Variants in CERS6 observed in about 807,000 individuals in gnomAD.
CERS6 encodes ceramide synthase 6, also known as LAG1 homolog, ceramide synthase 6.
Under a neutral mutation model 56.8 loss-of-function variants are expected in CERS6, and 26 were observed. That is an observed-to-expected ratio of 0.46 (90% CI 0.34 to 0.63). The LOEUF is 0.63. CERS6 is among the 30% of genes least tolerant of loss of function. The pLI is 0.01. For synonymous variants in CERS6, 164 were observed against 173.3 expected (o/e 0.95, Z 0.42); for missense variants, 415 against 467.5 (o/e 0.89, Z 1.04).
At chr2:168,486,257 G>A (rs1193524776) in intron 1 of CERS6, among the ~76,000 whole-genome samples, 1 of 152,006 alleles carries the variant, frequency 6.6e-6, no homozygotes, top group East Asian at 1.9e-4. Flanking sequence ...CTTTTATCAG[G>A]TACTTGTTTT....
chr2:168,732,491 T>C (rs939400480), intron 8 of CERS6, among the ~76,000 whole-genome samples: 2 of 152,210 alleles, frequency 1.3e-5, no homozygotes, highest in Non-Finnish European at 2.9e-5. Context: ...CTTTTTACTG[T>C]TTTCTCCCCA....
intron 8 of CERS6, among the ~76,000 whole-genome samples, chr2:168,731,452 C>T (rs963518022): frequency 1.3e-5 from 2 of 151,998 alleles, no homozygotes; most frequent in Admixed American, 1.3e-4. Context: ...AGAGTATTTC[C>T]ATTAATCAAG....
intron 4 of CERS6, among the ~76,000 whole-genome samples, chr2:168,674,555 G>C (rs140109515): frequency 6.6e-6 from 1 of 152,240 alleles, no homozygotes; most frequent in Non-Finnish European, 1.5e-5. Context: ...TTATTTATTT[G>C]GCAAATATAT....
chr2:168,489,874 C>T (rs1034820643), intron 1 of CERS6, among the ~76,000 whole-genome samples: 5 of 151,994 alleles, frequency 3.3e-5, no homozygotes, highest in South Asian at 2.1e-4. Flanking sequence ...CCTAGTTCTT[C>T]GTATGTGGAA....
rs1684838602 is a variant in CERS6, at chr2:168,770,586, T to C, written c.*924T>C. On this transcript the variant is annotated 3_prime_UTR_variant, in exon 10 of 10. Transcript: ENST00000305747. The stretch of plus-strand genomic sequence containing the variant: ...ACCCTATAATTAGTGCAGTCTTATG[T>C]TATAAAAGAAAGAAGTTAACTATAT... 6.6e-6 allele frequency: 1 copy of C among 152,496 alleles called. No homozygotes were observed. The highest frequency in any genetic ancestry group is 2.4e-5 in the African/African-American group (1 of 41,340). The allele number at this position is 152,496 out of a possible 1,614,324, so 9.4% of individuals were successfully genotyped here. A position where few individuals can be genotyped will look rare whatever the true frequency, so the allele number is the denominator to read the frequency against.
chr2:168,612,110 A>C (rs1319462732), intron 3 of CERS6, among the ~76,000 whole-genome samples: 1 of 152,206 alleles, frequency 6.6e-6, no homozygotes, highest in Non-Finnish European at 1.5e-5. Flanking sequence ...GTATTGCCTC[A>C]TTTAATCCTC....
At chr2:168,627,631 GTT>G (rs34768130) in intron 3 of CERS6, among the ~76,000 whole-genome samples, 2,788 of 145,136 alleles carry the variant, frequency 0.019, 107 homozygotes, top group East Asian at 0.16. Context: ...GAACACTGAA[GTT>G]TTTTTTTTTT....
chr2:168,527,570 G>T (rs6761380), intron 1 of CERS6, among the ~76,000 whole-genome samples: 2 of 152,150 alleles, frequency 1.3e-5, no homozygotes, highest in African/African-American at 2.4e-5. Flanking sequence ...AGATCAGGCA[G>T]TGGCGGGTGT....
At chr2:168,515,050 T>G (rs539333828) in intron 1 of CERS6, among the ~76,000 whole-genome samples, 1 of 152,166 alleles carries the variant, frequency 6.6e-6, no homozygotes, top group Non-Finnish European at 1.5e-5. Flanking sequence ...TTCTTTGTAA[T>G]TGGTTTTTGA....
chr2:168,652,235 C>G (rs1308529275), intron 4 of CERS6, among the ~76,000 whole-genome samples: 2 of 152,168 alleles, frequency 1.3e-5, no homozygotes, highest in East Asian at 3.9e-4. Context: ...TCACTAATTT[C>G]ATAATTTTCC....
intron 1 of CERS6, among the ~76,000 whole-genome samples, chr2:168,459,742 C>T (rs1478574990): frequency 6.6e-6 from 1 of 151,980 alleles, no homozygotes; most frequent in Non-Finnish European, 1.5e-5. Context: ...AATAATATAG[C>T]ATTGTCATCT....
chr2:168,598,851 GT>G (rs1574090782), intron 3 of CERS6, among the ~76,000 whole-genome samples: 1 of 152,162 alleles, frequency 6.6e-6, no homozygotes, highest in Non-Finnish European at 1.5e-5. Flanking sequence ...TTTGGATAGA[GT>G]AGGTATAGAA....
intron 1 of CERS6, among the ~76,000 whole-genome samples, chr2:168,529,394 T>C (rs548947316): frequency 6.6e-6 from 1 of 152,308 alleles, no homozygotes; most frequent in South Asian, 2.1e-4. Context: ...CATTCTGTTA[T>C]CAGTAATCCA....
chr2:168,710,909 C>T (rs1574180991), intron 6 of CERS6, among the ~76,000 whole-genome samples: 1 of 152,350 alleles, frequency 6.6e-6, no homozygotes, highest in East Asian at 1.9e-4. Flanking sequence ...TCTTAGGCCA[C>T]TGCATTCTCA....
At chr2:168,540,526 A>G (rs530707810) in intron 1 of CERS6, among the ~76,000 whole-genome samples, 1 of 152,320 alleles carries the variant, frequency 6.6e-6, no homozygotes, top group Admixed American at 6.5e-5. Context: ...GCCTTGGAGC[A>G]ATAGGCAATA....
rs1284171762 is a variant in CERS6, at chr2:168,769,704, TC to T, written c.*44del. 1.3e-6 allele frequency: 2 copies of T among 1,589,834 alleles called. No homozygotes were observed. The highest frequency in any genetic ancestry group is 2.7e-5 in the African/African-American group (2 of 73,734). On this transcript the variant is annotated 3_prime_UTR_variant, in exon 10 of 10. Transcript: ENST00000305747. The stretch of plus-strand genomic sequence containing the variant: ...GTCCCAAGCAAAGTGAACTATTTGT[TC>T]CTGGAAGTATTTAATAAGTTGCAAA...
At chr2:168,720,979 G>A (rs1277024099) in intron 8 of CERS6, among the ~76,000 whole-genome samples, 1 of 152,114 alleles carries the variant, frequency 6.6e-6, no homozygotes, top group Non-Finnish European at 1.5e-5. Flanking sequence ...CCACATATAT[G>A]GCAGTGATCC....
chr2:168,579,013 G>A (rs1259150050), intron 3 of CERS6, among the ~76,000 whole-genome samples: 1 of 151,910 alleles, frequency 6.6e-6, no homozygotes, highest in African/African-American at 2.4e-5. Context: ...ATATAATAAA[G>A]GTTTAATCTG....
At chr2:168,502,808 T>C (rs1332679910) in intron 1 of CERS6, among the ~76,000 whole-genome samples, 5 of 152,348 alleles carry the variant, frequency 3.3e-5, no homozygotes, top group African/African-American at 4.8e-5. Context: ...CAGTGGTCTT[T>C]ATCAGAGAGA....
Sources: gnomAD v4.1 joint callset for allele counts (sites outside exome capture counted in the v4.1 genomes callset) on GRCh38, gnomAD v4.1.1 for gene constraint, MANE v1.5 for transcripts, NCBI Gene and HGNC (gene_info 2026-07-23, HGNC 2026-07-21) for gene names.